Variants in CFTR observed in about 807,000 individuals in gnomAD.
The protein encoded by CFTR is CF transmembrane conductance regulator.
A neutral mutation model predicts 171.6 loss-of-function variants in CFTR; 181 were observed. The ratio of observed to expected loss-of-function variants is 1.05; its 90% CI spans 0.93 to 1.19. CFTR has a LOEUF of 1.19. CFTR is among the 50% of genes most tolerant of loss of function. CFTR has a pLI of 0.00. For missense variants in CFTR, 1,968 were observed against 1,734.7 expected (o/e 1.13, Z -2.39); for synonymous variants, 583 against 608.0 (o/e 0.96, Z 0.60).
intron 4 of CFTR, among the ~76,000 whole-genome samples, chr7:117,533,391 C>T (rs982229874): frequency 1.3e-5 from 2 of 152,098 alleles, no homozygotes; most frequent in African/African-American, 2.4e-5. Flanking sequence ...CTTTTAACTA[C>T]CCTATTACTT....
At position 117,567,716 on chromosome 7, in the gene CFTR, T is replaced by C. The variant is rs1791625012; in HGVS notation, c.1584+8061T>C. Among the ~76,000 whole-genome samples, 3 of 152,168 alleles carry C rather than the reference T, an allele frequency of 2.0e-5. No individual in the cohort carries two copies. The South Asian group carries it at 6.2e-4, about 32-fold the overall frequency. On this transcript the variant is annotated intron_variant, in intron 11 of 26. Coordinates refer to ENST00000003084, the MANE Select transcript of CFTR (RefSeq NM_000492.4). ...GGCAAAGATATCATTCGGTAAATAC[T>C]TATGAGTGCAAACTTTGAACTAGGG... is the stretch of plus-strand genomic sequence containing the variant.
intron 11 of CFTR, among the ~76,000 whole-genome samples, chr7:117,576,376 A>G (rs1352530461): frequency 6.6e-6 from 1 of 152,148 alleles, no homozygotes; most frequent in East Asian, 1.9e-4. Context: ...TAGGATTTAC[A>G]TTGTATTAGG....
At chr7:117,584,509 C>G (rs1242697437) in intron 11 of CFTR, among the ~76,000 whole-genome samples, 1 of 152,128 alleles carries the variant, frequency 6.6e-6, no homozygotes, top group Non-Finnish European at 1.5e-5. Flanking sequence ...TCTGGGTTCT[C>G]TATTCTGTTC....
chr7:117,637,383 A>G (rs1245984801), intron 22 of CFTR, among the ~76,000 whole-genome samples: 4 of 152,090 alleles, frequency 2.6e-5, no homozygotes. Flanking sequence ...ATTAGGTTTT[A>G]GTCTTTTAGT....
chr7:117,556,384 TA>T (rs964197114), intron 10 of CFTR, among the ~76,000 whole-genome samples: 1 of 151,658 alleles, frequency 6.6e-6, no homozygotes, highest in Non-Finnish European at 1.5e-5. Context: ...TGTTACCCAA[TA>T]AAAAAAATTT....
At chr7:117,549,451 C>G (rs1405634237) in intron 10 of CFTR, among the ~76,000 whole-genome samples, 2 of 151,954 alleles carry the variant, frequency 1.3e-5, no homozygotes, top group African/African-American at 4.8e-5. Context: ...GCAAAAGGAC[C>G]AAAACTTTAT....
At position 117,664,962 on chromosome 7, in the gene CFTR, G is replaced by A; in HGVS notation, c.4136+102G>A. 8 of 1,243,352 alleles carry A rather than the reference G, an allele frequency of 6.4e-6. No individual in the cohort carries two copies. The South Asian group carries it at 7.2e-5, about 11-fold the overall frequency. 77.0% of individuals were successfully genotyped at this position (1,243,352 alleles called of 1,614,324 possible). A position where few individuals can be genotyped will look rare whatever the true frequency, so the allele number is the denominator to read the frequency against. ...TTCTATTAGGCTGTCATGTCTGCGTGTGGGGGTCTCCCCCAAGATATGAAA... is the reference window on the plus strand; with the variant it reads ...TTCTATTAGGCTGTCATGTCTGCGTATGGGGGTCTCCCCCAAGATATGAAA... On this transcript the variant is annotated intron_variant, in intron 25 of 26. Coordinates refer to ENST00000003084, the MANE Select transcript of CFTR (RefSeq NM_000492.4).
intron 22 of CFTR, among the ~76,000 whole-genome samples, chr7:117,634,730 T>A (rs946686956): frequency 6.6e-6 from 1 of 152,158 alleles, no homozygotes; most frequent in African/African-American, 2.4e-5. Flanking sequence ...TAGAAGTGTG[T>A]TGTTTAATCA....
intron 1 of CFTR, among the ~76,000 whole-genome samples, chr7:117,499,940 G>C (rs1330776941): frequency 6.6e-6 from 1 of 152,184 alleles, no homozygotes; most frequent in Admixed American, 6.5e-5. Flanking sequence ...AGGATAAGAT[G>C]AACTAGAGGT....
At chr7:117,648,657 G>A (rs549803962) in intron 23 of CFTR, among the ~76,000 whole-genome samples, 6 of 152,066 alleles carry the variant, frequency 3.9e-5, no homozygotes, top group South Asian at 4.1e-4. Flanking sequence ...GGCAAACCAC[G>A]TAACTTCTCA....
At chr7:117,628,504 A>G (rs1792690579) in intron 22 of CFTR, among the ~76,000 whole-genome samples, 1 of 152,292 alleles carries the variant, frequency 6.6e-6, no homozygotes, top group African/African-American at 2.4e-5. Flanking sequence ...GATATTTTTT[A>G]GATAAAATAA....
At chr7:117,644,747 A>G (rs995089598) in intron 23 of CFTR, among the ~76,000 whole-genome samples, 18 of 152,130 alleles carry the variant, frequency 1.2e-4, no homozygotes, top group African/African-American at 4.3e-4. Context: ...GCTAGACAGC[A>G]ATCTTGGAGA....
chr7:117,552,229 A>G (rs1451362726), intron 10 of CFTR, among the ~76,000 whole-genome samples: 1 of 152,018 alleles, frequency 6.6e-6, no homozygotes, highest in African/African-American at 2.4e-5. Flanking sequence ...CCTGGGCTCA[A>G]TTGACCTTTC....
intron 1 of CFTR, among the ~76,000 whole-genome samples, 190 bp downstream of exon 1, chr7:117,480,337 C>T (rs988563492): frequency 6.6e-6 from 1 of 152,170 alleles, no homozygotes; most frequent in Non-Finnish European, 1.5e-5. Context: ...GAAGAATGAA[C>T]TGAAGCTGAT....
chr7:117,586,440 G>A (rs946669867), intron 11 of CFTR: 2 of 152,082 alleles, frequency 1.3e-5, no homozygotes, highest in African/African-American at 4.8e-5. Flanking sequence ...CAGAAATGTT[G>A]ATAGCAACAG....
At chr7:117,488,530 T>C (rs1199947492) in intron 1 of CFTR, among the ~76,000 whole-genome samples, 1 of 152,152 alleles carries the variant, frequency 6.6e-6, no homozygotes, top group Non-Finnish European at 1.5e-5. Context: ...TTTTGGAATA[T>C]GCATCTTTTA....
intron 11 of CFTR, 79 bp downstream of exon 11, chr7:117,559,734 T>G: frequency 1.0e-6 from 1 of 960,968 alleles, no homozygotes; most frequent in East Asian, 2.5e-5. Flanking sequence ...GGCTCCATAT[T>G]CAATCGGTTA....
Position 117,531,024 on chromosome 7 carries a change from G to A in CFTR, c.399G>A (p.Val133=). The A allele has an allele frequency of 6.2e-7, 1 of 1,613,762 alleles. No homozygotes were observed. Among genetic ancestry groups the A allele is most frequent in the South Asian group, 1.1e-5 (1 of 91,068 alleles). Reference sequence around the variant, plus strand: ...TAGGCTTATGCCTTCTCTTTATTGTGAGGACACTGCTCCTACACCCAGCCA... The same window carrying A: ...TAGGCTTATGCCTTCTCTTTATTGTAAGGACACTGCTCCTACACCCAGCCA... ...LGIGLCLLFI[V]RTLLLHPAIF... is the part of the protein sequence containing the mutation. Residue 133 remains valine (V), a synonymous_variant, in exon 4 of 27, where the codon GTG becomes GTA. Transcript: ENST00000003084.
Position 117,606,991 on chromosome 7 carries a change from G to C in CFTR, c.2988+238G>C, listed in dbSNP as rs78298983. On this transcript the variant is annotated intron_variant, in intron 18 of 26. Coordinates refer to ENST00000003084, the MANE Select transcript of CFTR (RefSeq NM_000492.4). ...AATCCCACATTTAGATGTAATAGCT[G>C]TCTACTTGGGAGTGATTTGAGAGGC... Among the ~76,000 whole-genome samples, 1,996 of 152,200 alleles carry C rather than the reference G, an allele frequency of 0.013. 49 individuals are homozygous for C. The highest frequency in any genetic ancestry group is 0.046 in the African/African-American group (1,903 of 41,538).
Sources: allele counts gnomAD v4.1 joint callset (sites outside exome capture counted in the v4.1 genomes callset), GRCh38; gene constraint gnomAD v4.1.1; transcripts MANE v1.5; gene names NCBI Gene and HGNC (gene_info 2026-07-23, HGNC 2026-07-21).